Variants in CRACDL observed in about 807,000 individuals in gnomAD.
CRACDL encodes CRACD like.
In CRACDL, 26 loss-of-function variants were observed where a neutral mutation model predicts 70.6. The observed-to-expected ratio is 0.37, with a 90% CI of 0.27 to 0.51. CRACDL has a LOEUF of 0.51. Ranked by LOEUF, CRACDL falls within the 20% of genes least tolerant of loss-of-function variation. The pLI, the probability that CRACDL is intolerant of heterozygous loss-of-function variation, is 0.94. For synonymous variants in CRACDL, 618 were observed against 615.2 expected (o/e 1.00, Z -0.07); for missense variants, 1,283 against 1,376.9 (o/e 0.93, Z 1.08).
chr2:98,820,385 A>G (rs1186867957), intron 7 of CRACDL, among the ~76,000 whole-genome samples: 2 of 151,958 alleles, frequency 1.3e-5, no homozygotes, highest in African/African-American at 2.4e-5. Context: ...TAAAAAAATT[A>G]GCCGGGTGTA....
At chr2:98,840,464 C>A (rs1025924131) in intron 2 of CRACDL, among the ~76,000 whole-genome samples, 3 of 152,072 alleles carry the variant, frequency 2.0e-5, no homozygotes, top group Non-Finnish European at 4.4e-5. Flanking sequence ...GAAAATAATG[C>A]ATTTTCTTCA....
intron 6 of CRACDL, among the ~76,000 whole-genome samples, chr2:98,824,229 C>T (rs1487791715): frequency 6.6e-6 from 1 of 152,122 alleles, no homozygotes; most frequent in African/African-American, 2.4e-5. Flanking sequence ...TCAAACCAAG[C>T]CCTCAACACT....
intron 1 of CRACDL, among the ~76,000 whole-genome samples, chr2:98,906,355 C>T (rs1158384242): frequency 1.3e-5 from 2 of 151,660 alleles, no homozygotes; most frequent in African/African-American, 2.4e-5. Context: ...TCCACCTCCC[C>T]GATTCAAGCA....
chr2:98,826,072 C>T (rs977798763), intron 6 of CRACDL, among the ~76,000 whole-genome samples: 42 of 152,080 alleles, frequency 2.8e-4, no homozygotes, highest in African/African-American at 6.3e-4. Context: ...CCAGGGGGGA[C>T]GCGTTACAGT....
chr2:98,863,936 C>G (rs975155422), intron 1 of CRACDL, among the ~76,000 whole-genome samples: 5 of 152,082 alleles, frequency 3.3e-5, no homozygotes, highest in Non-Finnish European at 7.4e-5. Context: ...CTTTTTAATG[C>G]GTAGTGTTTC....
chr2:98,915,316 C>T (rs1708639073), intron 1 of CRACDL, among the ~76,000 whole-genome samples: 1 of 152,206 alleles, frequency 6.6e-6, no homozygotes, highest in Non-Finnish European at 1.5e-5. Flanking sequence ...GAGGCAGTGC[C>T]AGGAGCTGAC....
At chr2:98,932,139 T>G (rs1220728209) in intron 1 of CRACDL, among the ~76,000 whole-genome samples, 1 of 152,236 alleles carries the variant, frequency 6.6e-6, no homozygotes, top group Non-Finnish European at 1.5e-5. Flanking sequence ...TGTGTTGTCC[T>G]ACCCACAGGT....
At chr2:98,907,800 C>G (rs1013443291) in intron 1 of CRACDL, among the ~76,000 whole-genome samples, 1 of 152,162 alleles carries the variant, frequency 6.6e-6, no homozygotes, top group Non-Finnish European at 1.5e-5. Context: ...ATTCATTATG[C>G]CATCATGTCT....
chr2:98,829,081 C>T (rs1275263223), intron 5 of CRACDL, among the ~76,000 whole-genome samples: 1 of 152,256 alleles, frequency 6.6e-6, no homozygotes, highest in Non-Finnish European at 1.5e-5. Flanking sequence ...AGATCAGCTG[C>T]TTTGCAAGTG....
chr2:98,853,869 T>G (rs948495765), intron 1 of CRACDL, among the ~76,000 whole-genome samples: 8 of 151,980 alleles, frequency 5.3e-5, no homozygotes, highest in African/African-American at 1.7e-4. Context: ...ACTAAAAAAT[T>G]TAATGCAAAG....
At chr2:98,916,859 AC>A (rs891226207) in intron 1 of CRACDL, among the ~76,000 whole-genome samples, 3 of 152,182 alleles carry the variant, frequency 2.0e-5, no homozygotes, top group African/African-American at 7.2e-5. Context: ...GCAAGAGCCT[AC>A]CCGGGGTCAG....
chr2:98,852,523 T>A (rs1364976812), intron 1 of CRACDL, among the ~76,000 whole-genome samples: 1 of 151,446 alleles, frequency 6.6e-6, no homozygotes. Flanking sequence ...TAATCCTGAG[T>A]GACCAAAATG....
chr2:98,914,450 C>T (rs979946386), intron 1 of CRACDL, among the ~76,000 whole-genome samples: 1 of 152,260 alleles, frequency 6.6e-6, no homozygotes, highest in Admixed American at 6.5e-5. Flanking sequence ...CTGCAGCCCT[C>T]ACCCAGACAT....
chr2:98,847,709 T>C (rs1166400747), intron 1 of CRACDL, among the ~76,000 whole-genome samples: 1 of 152,200 alleles, frequency 6.6e-6, no homozygotes, highest in African/African-American at 2.4e-5. Context: ...ATGCTCTACC[T>C]CCATATACTA....
At chr2:98,826,239 G>A (rs571535491) in intron 6 of CRACDL, among the ~76,000 whole-genome samples, 1 of 152,304 alleles carries the variant, frequency 6.6e-6, no homozygotes, top group Admixed American at 6.5e-5. Context: ...GTCTTTCCGA[G>A]GCATGCTCCC....
chr2:98,823,645 T>A lies in CRACDL; in HGVS notation c.736-108A>T. The A allele has an allele frequency of 1.5e-6, 2 of 1,363,638 alleles. No homozygotes were observed. Among genetic ancestry groups the A allele is most frequent in the South Asian group, 1.3e-5 (1 of 79,434 alleles). The allele number at this position is 1,363,638 out of a possible 1,614,324, so 84.5% of individuals were successfully genotyped here. ...TAATGGTTTAGTGATAGCAGCACTATAAAGCTGGCACTTAAGTAGGCATGT... is the reference window on the plus strand; with the variant it reads ...TAATGGTTTAGTGATAGCAGCACTAAAAAGCTGGCACTTAAGTAGGCATGT... On this transcript the variant is annotated intron_variant, in intron 6 of 9. Coordinates refer to ENST00000397899, the MANE Select transcript of CRACDL (RefSeq NM_207362.3). This position sits in a 1 kb window ranked among gnomAD's most constrained non-coding sequence, Gnocchi z 4.0.
At chr2:98,817,455 C>T (rs1386801506) in intron 7 of CRACDL, among the ~76,000 whole-genome samples, 1 of 152,066 alleles carries the variant, frequency 6.6e-6, no homozygotes, top group African/African-American at 2.4e-5. Context: ...GTATTCTAAC[C>T]CAAATGAATT....
intron 1 of CRACDL, among the ~76,000 whole-genome samples, chr2:98,910,258 A>G (rs1253042657): frequency 6.6e-6 from 1 of 151,950 alleles, no homozygotes; most frequent in South Asian, 2.1e-4. Context: ...GGTGGCTCAC[A>G]CCTGTAATCC....
At chr2:98,867,012 A>G (rs953231115) in intron 1 of CRACDL, among the ~76,000 whole-genome samples, 1 of 152,108 alleles carries the variant, frequency 6.6e-6, no homozygotes, top group Admixed American at 6.5e-5. Context: ...GAAGCAGAGG[A>G]GGCCCCTGCT....
Sources: gnomAD v4.1 joint callset for allele counts (sites outside exome capture counted in the v4.1 genomes callset) on GRCh38, gnomAD v4.1.1 for gene constraint, Gnocchi (gnomAD v3.1) non-coding constraint, MANE v1.5 for transcripts, NCBI Gene and HGNC (gene_info 2026-07-23, HGNC 2026-07-21) for gene names.